The following ITPK1 variants were observed in gnomAD, a reference collection of about 807,000 sequenced individuals.
ITPK1 encodes the protein inositol-tetrakisphosphate 1-kinase, also known as inositol 1,3,4-trisphosphate 5/6-kinase.
In ITPK1, 21 loss-of-function variants were observed where a neutral mutation model predicts 45.3. The ratio of observed to expected loss-of-function variants is 0.46; its 90% CI spans 0.33 to 0.67. ITPK1 has a LOEUF of 0.67. Among genes scored for constraint, ITPK1 ranks in the 30% least tolerant of loss-of-function variants. The pLI is 0.02. For synonymous variants in ITPK1, 258 were observed against 253.6 expected (o/e 1.02, Z -0.16); for missense variants, 474 against 573.5 (o/e 0.83, Z 1.77).
At chr14:93,111,121 G>C (rs1892734149) in intron 2 of ITPK1, among the ~76,000 whole-genome samples, 1 of 152,094 alleles carries the variant, frequency 6.6e-6, no homozygotes, top group Non-Finnish European at 1.5e-5. Flanking sequence ...TTAAAAATCA[G>C]CAATTATTAC....
chr14:93,079,121 T>TC (rs1891342170), intron 2 of ITPK1, among the ~76,000 whole-genome samples: 2 of 152,086 alleles, frequency 1.3e-5, no homozygotes, highest in East Asian at 3.9e-4. Context: ...CAGCTCTCCC[T>TC]CCCTTAGTCC....
At chr14:93,080,151 T>C (rs1189931521) in intron 2 of ITPK1, among the ~76,000 whole-genome samples, 1 of 152,210 alleles carries the variant, frequency 6.6e-6, no homozygotes, top group African/African-American at 2.4e-5. Flanking sequence ...TGCAAAACCC[T>C]GTGTGCTGTA....
chr14:93,083,725 C>A (rs374959069), intron 2 of ITPK1, among the ~76,000 whole-genome samples: 3 of 152,160 alleles, frequency 2.0e-5, no homozygotes, highest in East Asian at 3.9e-4. Context: ...GATGACTAAG[C>A]CCCGTCACCC....
In ITPK1 at chr14:92,962,406, G is replaced by T. The variant is rs369612289; in HGVS notation, c.464-11C>A. On this transcript the variant is annotated splice_polypyrimidine_tract_variant and intron_variant, in intron 6 of 10. Transcript: ENST00000267615. ...CTCTGGTTTTGCAAACTATGGGTTG[G>T]GGAGAGAAAAGCAGAGAGAAATTAG... 17 of 1,598,880 alleles carry T rather than the reference G, an allele frequency of 1.1e-5. No individual in the cohort carries two copies. The African/African-American group carries it at 2.1e-4, about 20-fold the overall frequency.
chr14:93,058,720 T>G (rs974042650), intron 3 of ITPK1, among the ~76,000 whole-genome samples: 2 of 10,584 alleles, frequency 1.9e-4, no homozygotes, highest in Admixed American at 1.3e-3. Context: ...GAGGCAGGGG[T>G]GGAGGGGGTG....
Position 93,076,768 on chromosome 14 carries a change from C to T in ITPK1, c.96-149G>A. On this transcript the variant is annotated intron_variant, in intron 2 of 10. Coordinates refer to ENST00000267615, the MANE Select transcript of ITPK1 (RefSeq NM_014216.6). The surrounding 1 kb of genome is among the most constrained non-coding windows in gnomAD (Gnocchi z 4.3). ...CGCCTCTCCTGCTACTGTCCCAGAACAGCCATGCCTTCCACTCCCAGCCAC... is the reference window on the plus strand; with the variant it reads ...CGCCTCTCCTGCTACTGTCCCAGAATAGCCATGCCTTCCACTCCCAGCCAC... The T allele has an allele frequency of 1.2e-6, 1 of 860,182 alleles. No individual in the cohort carries two copies. 53.3% of individuals were successfully genotyped at this position (860,182 alleles called of 1,614,324 possible). A position where few individuals can be genotyped will look rare whatever the true frequency, so the allele number is the denominator to read the frequency against.
chr14:92,942,022 C>T (rs942444375), intron 10 of ITPK1, 118 bp from the exon 11 acceptor site: 44 of 878,278 alleles, frequency 5.0e-5, no homozygotes, highest in Non-Finnish European at 6.3e-5. Context: ...GTGCTGTCAG[C>T]GTCCCATTTA....
intron 4 of ITPK1, among the ~76,000 whole-genome samples, chr14:93,004,314 C>T (rs1887499453): frequency 6.6e-6 from 1 of 152,280 alleles, no homozygotes; most frequent in Admixed American, 6.5e-5. Flanking sequence ...TGCCTGGATT[C>T]AGTCCTAGTG....
intron 2 of ITPK1, among the ~76,000 whole-genome samples, chr14:93,087,686 C>A (rs1048367700): frequency 4.6e-5 from 7 of 152,248 alleles, no homozygotes; most frequent in African/African-American, 1.7e-4. Context: ...TCCCACAGCT[C>A]TGCCATCCCA....
intron 3 of ITPK1, among the ~76,000 whole-genome samples, chr14:93,062,697 G>A (rs191572232): frequency 1.1e-4 from 16 of 152,242 alleles, no homozygotes; most frequent in Admixed American, 7.8e-4. Context: ...CTGGTCCCAC[G>A]GCAGGTCTGT....
At chr14:92,976,634 C>A (rs1885956712) in intron 5 of ITPK1, among the ~76,000 whole-genome samples, 1 of 152,252 alleles carries the variant, frequency 6.6e-6, no homozygotes, top group Non-Finnish European at 1.5e-5. Flanking sequence ...AATAACCAGA[C>A]AAGCAATGCA....
At chr14:93,046,129 C>T (rs1278440960) in intron 3 of ITPK1, among the ~76,000 whole-genome samples, 2 of 152,202 alleles carry the variant, frequency 1.3e-5, no homozygotes, top group African/African-American at 4.8e-5. Flanking sequence ...TCAAGCCGCA[C>T]CCCTCCCTCC....
chr14:93,004,617 AGT>A (rs151074140), intron 4 of ITPK1, among the ~76,000 whole-genome samples: 4 of 151,078 alleles, frequency 2.6e-5, no homozygotes, highest in Non-Finnish European at 4.4e-5. Context: ...AGAGCATATG[AGT>A]GTGTGTGTGT....
intron 5 of ITPK1, among the ~76,000 whole-genome samples, chr14:92,965,432 A>G (rs925524894): frequency 8.5e-5 from 13 of 152,240 alleles, no homozygotes; most frequent in African/African-American, 3.1e-4. Context: ...ACCAGGAACA[A>G]GATAAGGAGG....
chr14:92,957,566 C>T (rs567535382), intron 8 of ITPK1, among the ~76,000 whole-genome samples: 1 of 152,172 alleles, frequency 6.6e-6, no homozygotes, highest in Non-Finnish European at 1.5e-5. Flanking sequence ...TCAGGCCCAG[C>T]GACAACAGCA....
intron 3 of ITPK1, among the ~76,000 whole-genome samples, chr14:93,064,767 T>C (rs1225570592): frequency 6.6e-6 from 1 of 152,242 alleles, no homozygotes; most frequent in Admixed American, 6.5e-5. Context: ...CTGAAAGGGC[T>C]GTCTCTGCCT....
intron 2 of ITPK1, among the ~76,000 whole-genome samples, chr14:93,105,897 G>C (rs527848870): frequency 2.8e-4 from 42 of 152,024 alleles, no homozygotes; most frequent in African/African-American, 3.6e-4. Context: ...TAGAGACTGG[G>C]TTTCACCATG....
intron 2 of ITPK1, among the ~76,000 whole-genome samples, chr14:93,103,804 CTG>C (rs1304392324): frequency 1.3e-5 from 2 of 152,188 alleles, no homozygotes; most frequent in Non-Finnish European, 2.9e-5. Context: ...CAGCCCTTGA[CTG>C]TTGGATGGAA....
At chr14:93,041,004 T>G (rs965191204) in intron 3 of ITPK1, among the ~76,000 whole-genome samples, 3 of 152,146 alleles carry the variant, frequency 2.0e-5, no homozygotes, top group Non-Finnish European at 2.9e-5. Flanking sequence ...AGAGCAGAAG[T>G]GTAACTCTAC....
Sources: allele counts gnomAD v4.1 joint callset (sites outside exome capture counted in the v4.1 genomes callset), GRCh38; gene constraint gnomAD v4.1.1; non-coding constraint Gnocchi (gnomAD v3.1); transcripts MANE v1.5; gene names NCBI Gene and HGNC (gene_info 2026-07-23, HGNC 2026-07-21).